SLC9A9: variants seen among roughly 807,000 people sequenced by gnomAD.
SLC9A9 encodes the protein sodium/hydrogen exchanger 9.
A neutral mutation model predicts 77.8 loss-of-function variants in SLC9A9; 62 were observed. The ratio of observed to expected loss-of-function variants is 0.80; its 90% CI spans 0.65 to 0.98. SLC9A9 has a LOEUF of 0.98. Among genes scored for constraint, SLC9A9 ranks in the 50% least tolerant of loss-of-function variants. The probability of loss-of-function intolerance (pLI) is 0.00; values close to 1 mark genes in which losing one functional copy is unlikely to be tolerated. For missense variants in SLC9A9, 775 were observed against 774.9 expected (o/e 1.00, Z 0.00); for synonymous variants, 320 against 283.5 (o/e 1.13, Z -1.29).
chr3:143,732,360 T>C (rs1443813915), intron 4 of SLC9A9, among the ~76,000 whole-genome samples: 4 of 152,252 alleles, frequency 2.6e-5, no homozygotes, highest in African/African-American at 9.6e-5. Context: ...GATCTAATCA[T>C]GGGTAAAGTA....
At chr3:143,564,251 C>T (rs1378396404) in intron 8 of SLC9A9, among the ~76,000 whole-genome samples, 1 of 152,134 alleles carries the variant, frequency 6.6e-6, no homozygotes, top group Non-Finnish European at 1.5e-5. Context: ...ATTCTTTTCT[C>T]ATTAAAAGTT....
At chr3:143,415,987 TG>T (rs1203577452) in intron 12 of SLC9A9, among the ~76,000 whole-genome samples, 2 of 152,168 alleles carry the variant, frequency 1.3e-5, no homozygotes, top group Admixed American at 1.3e-4. Flanking sequence ...CCAACCCTCA[TG>T]GATGACTCCT....
intron 14 of SLC9A9, among the ~76,000 whole-genome samples, chr3:143,304,271 G>A: frequency 6.6e-6 from 1 of 152,206 alleles, no homozygotes; most frequent in East Asian, 1.9e-4. Context: ...AGGGAGAAGA[G>A]AGGTGAAAAG....
At chr3:143,632,430 A>G (rs568211799) in intron 6 of SLC9A9, among the ~76,000 whole-genome samples, 5 of 152,240 alleles carry the variant, frequency 3.3e-5, no homozygotes, top group African/African-American at 1.2e-4. Context: ...CACATGGTTT[A>G]AAATAAAAAT....
In SLC9A9 at chr3:143,612,301, C is replaced by T. The variant is rs546465117; in HGVS notation, c.756-33578G>A. ...TTCAAAGTCTCAAACCCTGAACCAA[C>T]ATGAACTTTCATGAGTGCAACCCAT... On this transcript the variant is annotated intron_variant, in intron 6 of 15. Transcript: ENST00000316549. Among the ~76,000 whole-genome samples, 8 of 152,326 alleles carry T rather than the reference C, an allele frequency of 5.3e-5. No individual in the cohort carries two copies. The East Asian group carries it at 1.3e-3, about 26-fold the overall frequency.
At chr3:143,683,610 G>A (rs936133579) in intron 5 of SLC9A9, among the ~76,000 whole-genome samples, 2 of 152,078 alleles carry the variant, frequency 1.3e-5, no homozygotes, top group Non-Finnish European at 2.9e-5. Flanking sequence ...CAATTTTCAG[G>A]TTGGATAGTG....
At chr3:143,518,520 G>A (rs1332200998) in intron 9 of SLC9A9, among the ~76,000 whole-genome samples, 3 of 152,184 alleles carry the variant, frequency 2.0e-5, no homozygotes, top group African/African-American at 7.2e-5. Flanking sequence ...GTCCACCGCT[G>A]CAGTAATTAC....
At chr3:143,347,518 A>AT (rs1434155354) in intron 14 of SLC9A9, among the ~76,000 whole-genome samples, 2 of 152,186 alleles carry the variant, frequency 1.3e-5, no homozygotes, top group Non-Finnish European at 2.9e-5. Context: ...TGGGAACTAC[A>AT]TCTCTTTAAG....
chr3:143,518,822 A>G (rs1379760179), intron 9 of SLC9A9, among the ~76,000 whole-genome samples: 1 of 152,192 alleles, frequency 6.6e-6, no homozygotes, highest in Non-Finnish European at 1.5e-5. Context: ...CTTTGCTATA[A>G]CAAACAGTGG....
At chr3:143,585,590 G>A (rs1038653870) in intron 6 of SLC9A9, among the ~76,000 whole-genome samples, 4 of 152,160 alleles carry the variant, frequency 2.6e-5, no homozygotes, top group African/African-American at 4.8e-5. Flanking sequence ...ATTGTGTCAC[G>A]GTTGTGTCCT....
intron 13 of SLC9A9, among the ~76,000 whole-genome samples, chr3:143,374,950 C>T (rs899739794): frequency 1.8e-4 from 28 of 152,270 alleles, no homozygotes; most frequent in African/African-American, 5.1e-4. Context: ...TCTTCCTAGA[C>T]ACTTCTAACC....
At chr3:143,495,196 G>C (rs2035811783) in intron 10 of SLC9A9, 139 bp downstream of exon 10, 1 of 685,612 alleles carries the variant, frequency 1.5e-6, no homozygotes, top group Non-Finnish European at 2.6e-6. Context: ...CCCCTAACTA[G>C]AAATCACGTA....
chr3:143,754,759 C>T (rs2006867354), intron 4 of SLC9A9, among the ~76,000 whole-genome samples: 1 of 152,100 alleles, frequency 6.6e-6, no homozygotes, highest in South Asian at 2.1e-4. Flanking sequence ...TGGAGATGTT[C>T]AAAAGGAAAA....
At chr3:143,413,901 T>G (rs923497661) in intron 12 of SLC9A9, among the ~76,000 whole-genome samples, 1 of 152,218 alleles carries the variant, frequency 6.6e-6, no homozygotes, top group Non-Finnish European at 1.5e-5. Flanking sequence ...ATATACTGGC[T>G]TTTTCTGGTG....
chr3:143,465,991 C>T (rs185550848), intron 12 of SLC9A9, among the ~76,000 whole-genome samples: 4 of 152,272 alleles, frequency 2.6e-5, no homozygotes, highest in Admixed American at 1.3e-4. Context: ...TTATACTAAA[C>T]TTGTGAGACC....
At chr3:143,501,293 T>C (rs1176382247) in intron 9 of SLC9A9, among the ~76,000 whole-genome samples, 2 of 150,816 alleles carry the variant, frequency 1.3e-5, no homozygotes, top group Non-Finnish European at 2.9e-5. Context: ...AATAAACAAT[T>C]AAAGAAATAA....
In SLC9A9 at chr3:143,460,347, C is replaced by T. The variant is rs536076615; in HGVS notation, c.1469+6690G>A. 6.6e-5 allele frequency among the ~76,000 whole-genome samples: 10 copies of T among 152,094 alleles called. No homozygotes were observed. The South Asian group carries it at 2.1e-3, about 32-fold the overall frequency. On this transcript the variant is annotated intron_variant, in intron 12 of 15. Coordinates refer to ENST00000316549, the MANE Select transcript of SLC9A9 (RefSeq NM_173653.4). The stretch of plus-strand genomic sequence containing the variant: ...AGAGAAAGTGGGTGGAGTAAGTGTG[C>T]TTACTCCATTTTGACCAGAACTGGT...
intron 14 of SLC9A9, among the ~76,000 whole-genome samples, chr3:143,337,274 C>T (rs2031955738): frequency 6.6e-6 from 1 of 152,114 alleles, no homozygotes; most frequent in African/African-American, 2.4e-5. Flanking sequence ...CCACCCCCCA[C>T]CCTCATTCAG....
intron 2 of SLC9A9, among the ~76,000 whole-genome samples, chr3:143,814,146 G>A (rs2008943129): frequency 6.6e-6 from 1 of 152,168 alleles, no homozygotes; most frequent in African/African-American, 2.4e-5. Flanking sequence ...CTGCACCTGG[G>A]TGAGTGACTG....
Sources: allele counts gnomAD v4.1 joint callset (sites outside exome capture counted in the v4.1 genomes callset), GRCh38; gene constraint gnomAD v4.1.1; transcripts MANE v1.5; gene names NCBI Gene and HGNC (gene_info 2026-07-23, HGNC 2026-07-21).